Variants in PI4K2B observed in about 807,000 individuals in gnomAD.
The protein encoded by PI4K2B is phosphatidylinositol 4-kinase type 2 beta.
A neutral mutation model predicts 56.6 loss-of-function variants in PI4K2B; 46 were observed. That is an observed-to-expected ratio of 0.81 (90% CI 0.64 to 1.04). The LOEUF (loss-of-function observed/expected upper bound fraction) is 1.04, where lower values mean the gene tolerates loss of function less well. Ranked by LOEUF, PI4K2B falls within the 50% of genes least tolerant of loss-of-function variation. The probability of loss-of-function intolerance (pLI) is 0.00; values close to 1 mark genes in which losing one functional copy is unlikely to be tolerated. For missense variants in PI4K2B, 556 were observed against 607.7 expected, an observed-to-expected ratio of 0.91 and a Z score of 0.89; for synonymous variants, 211 against 223.8, an observed-to-expected ratio of 0.94 and a Z score of 0.51.
chr4:25,258,778 T>A (rs1716349976), intron 4 of PI4K2B, among the ~76,000 whole-genome samples: 1 of 152,186 alleles, frequency 6.6e-6, no homozygotes, highest in South Asian at 2.1e-4. Context: ...ATTCTTTTTT[T>A]AAATTTTCCC....
At chr4:25,272,950 T>C (rs10014603) in intron 9 of PI4K2B, among the ~76,000 whole-genome samples, 4,898 of 152,318 alleles carry the variant, frequency 0.032, 111 homozygotes, top group African/African-American at 0.069. Flanking sequence ...GTGTTATTTC[T>C]GTCAGTTATA....
At chr4:25,243,581 C>T (rs971134590) in intron 1 of PI4K2B, among the ~76,000 whole-genome samples, 1 of 152,194 alleles carries the variant, frequency 6.6e-6, no homozygotes, top group East Asian at 1.9e-4. Context: ...AGATTTTGTT[C>T]AGGGCCCAGG....
In PI4K2B at chr4:25,234,236, G is replaced by A. The variant is rs1484381044; in HGVS notation, c.73G>A (p.Glu25Lys). The change falls in exon 1 of 10, where the codon GAG (glutamate) becomes AAG (lysine). Residue 25 changes from glutamate to lysine, a missense_variant. Transcript: ENST00000264864. ...GGSPEEEEDG[E>K]REPLLPRIAW... Reference sequence around the variant, plus strand: ...GAGCCCGGAGGAGGAGGAGGATGGGGAGCGGGAGCCGCTGCTACCGCGGAT... The same window carrying A: ...GAGCCCGGAGGAGGAGGAGGATGGGAAGCGGGAGCCGCTGCTACCGCGGAT... 2 of 1,428,518 alleles carry A rather than the reference G, an allele frequency of 1.4e-6. No individual in the cohort carries two copies. The highest frequency in any genetic ancestry group is 2.6e-5 in the Admixed American group (1 of 38,548). The allele number at this position is 1,428,518 out of a possible 1,614,324, so 88.5% of individuals were successfully genotyped here. A position where few individuals can be genotyped will look rare whatever the true frequency, so the allele number is the denominator to read the frequency against.
intron 1 of PI4K2B, among the ~76,000 whole-genome samples, chr4:25,235,315 GCTT>G (rs1482658480): frequency 6.6e-6 from 1 of 152,192 alleles, no homozygotes; most frequent in Non-Finnish European, 1.5e-5. Flanking sequence ...TTGGTTTATC[GCTT>G]CACACATGAC....
At chr4:25,264,333 A>G (rs1044019396) in intron 7 of PI4K2B, among the ~76,000 whole-genome samples, 10 of 152,212 alleles carry the variant, frequency 6.6e-5, no homozygotes, top group South Asian at 2.1e-4. Flanking sequence ...AAAATTTTCC[A>G]TGATTTCTTG....
chr4:25,269,059 T>G (rs1267007324), intron 8 of PI4K2B, 85 bp from the exon 9 acceptor site: 1 of 708,054 alleles, frequency 1.4e-6, no homozygotes, highest in Non-Finnish European at 2.4e-6. Context: ...ATGGCCTTAT[T>G]TGCTGAGTTG....
chr4:25,244,228 T>C (rs1322285423), intron 1 of PI4K2B, among the ~76,000 whole-genome samples: 2 of 151,558 alleles, frequency 1.3e-5, no homozygotes, highest in Non-Finnish European at 2.9e-5. Context: ...ACATAACCAA[T>C]AGCCCGGGGG....
intron 9 of PI4K2B, among the ~76,000 whole-genome samples, chr4:25,276,133 CTG>C (rs1269479238): frequency 1.3e-5 from 2 of 152,098 alleles, no homozygotes; most frequent in Non-Finnish European, 2.9e-5. Flanking sequence ...AAGGAGAAAT[CTG>C]TATTTCTAAA....
chr4:25,262,321 A>T (rs1047211673), intron 6 of PI4K2B, among the ~76,000 whole-genome samples: 3 of 152,146 alleles, frequency 2.0e-5, no homozygotes, highest in African/African-American at 7.2e-5. Context: ...AGCTTGGGTG[A>T]CAGAGCAAGA....
intron 9 of PI4K2B, among the ~76,000 whole-genome samples, chr4:25,274,405 A>G (rs541906862): frequency 6.6e-6 from 1 of 152,290 alleles, no homozygotes; most frequent in South Asian, 2.1e-4. Flanking sequence ...ATTTTTTTAA[A>G]TAATCCACTC....
chr4:25,234,065 G>A lies in PI4K2B; in HGVS notation c.-99G>A. The A allele has an allele frequency of 1.9e-6, 2 of 1,068,596 alleles. No individual in the cohort carries two copies. The highest frequency in any genetic ancestry group is 3.3e-5 in the African/African-American group (2 of 61,266). 66.2% of individuals were successfully genotyped at this position (1,068,596 alleles called of 1,614,324 possible). A position where few individuals can be genotyped will look rare whatever the true frequency, so the allele number is the denominator to read the frequency against. The stretch of plus-strand genomic sequence containing the variant: ...CCCGTGCGCTGGTGAGGTGGCGTCC[G>A]TTCTACCCGGTCGCTCCCGTTCCGC... On this transcript the variant is annotated 5_prime_UTR_variant, in exon 1 of 10. Coordinates refer to ENST00000264864, the MANE Select transcript of PI4K2B (RefSeq NM_018323.4).
intron 1 of PI4K2B, among the ~76,000 whole-genome samples, chr4:25,251,806 ATGTTGT>A (rs386356765): frequency 1.7e-5 from 2 of 117,668 alleles, no homozygotes; most frequent in South Asian, 6.5e-4. Flanking sequence ...ACTTCCTCCC[ATGTTGT>A]TGTTGTTGTT....
chr4:25,253,428 T>C (rs1403501350), intron 2 of PI4K2B, among the ~76,000 whole-genome samples: 1 of 152,204 alleles, frequency 6.6e-6, no homozygotes, highest in Non-Finnish European at 1.5e-5. Flanking sequence ...TTTCACCCAA[T>C]TTTTTTGGCA....
chr4:25,269,122 G>GT (rs1475825371), intron 8 of PI4K2B, 22 bp from the exon 9 acceptor site: 9 of 1,434,412 alleles, frequency 6.3e-6, no homozygotes, highest in Admixed American at 3.7e-5. Context: ...TTTGGGAATT[G>GT]TTTTTTTCCT....
At chr4:25,247,046 C>T (rs1715817596) in intron 1 of PI4K2B, among the ~76,000 whole-genome samples, 1 of 152,242 alleles carries the variant, frequency 6.6e-6, no homozygotes, top group African/African-American at 2.4e-5. Context: ...CCTTCGCCAG[C>T]CCAGAAAGGG....
At chr4:25,250,990 G>A (rs1166623535) in intron 1 of PI4K2B, among the ~76,000 whole-genome samples, 6 of 138,272 alleles carry the variant, frequency 4.3e-5, no homozygotes, top group Non-Finnish European at 4.7e-5. Flanking sequence ...TATGGGAAAC[G>A]TAGGGATGAA....
chr4:25,256,061 G>A (rs891894861), intron 3 of PI4K2B, among the ~76,000 whole-genome samples: 3 of 152,140 alleles, frequency 2.0e-5, no homozygotes, highest in African/African-American at 4.8e-5. Flanking sequence ...TTGTAATACA[G>A]GCATCACCAC....
At chr4:25,236,562 A>T (rs182868267) in intron 1 of PI4K2B, among the ~76,000 whole-genome samples, 1 of 152,326 alleles carries the variant, frequency 6.6e-6, no homozygotes, top group East Asian at 1.9e-4. Flanking sequence ...CAAAAAAAAA[A>T]TTAATTATTT....
intron 9 of PI4K2B, among the ~76,000 whole-genome samples, chr4:25,272,235 G>C (rs893381900): frequency 4.0e-5 from 6 of 151,834 alleles, no homozygotes; most frequent in Non-Finnish European, 8.8e-5. Flanking sequence ...TCCTATTTTA[G>C]GTTTATTTAC....
Sources: gnomAD v4.1 joint callset for allele counts (sites outside exome capture counted in the v4.1 genomes callset) on GRCh38, gnomAD v4.1.1 for gene constraint, MANE v1.5 for transcripts, NCBI Gene and HGNC (gene_info 2026-07-23, HGNC 2026-07-21) for gene names.